EDAR: variants seen among roughly 807,000 people sequenced by gnomAD.
EDAR encodes the protein tumor necrosis factor receptor superfamily member EDAR.
A neutral mutation model predicts 51.3 loss-of-function variants in EDAR; 38 were observed. The ratio of observed to expected loss-of-function variants is 0.74; its 90% CI spans 0.57 to 0.97. EDAR has a LOEUF of 0.97. Among genes scored for constraint, EDAR ranks in the 50% least tolerant of loss-of-function variants. The pLI, the probability that EDAR is intolerant of heterozygous loss-of-function variation, is 0.00. For missense variants in EDAR, 528 were observed against 595.0 expected, an observed-to-expected ratio of 0.89 and a Z score of 1.17; for synonymous variants, 227 against 242.1, an observed-to-expected ratio of 0.94 and a Z score of 0.58.
chr2:108,935,642 C>G (rs939877517), intron 1 of EDAR, among the ~76,000 whole-genome samples: 1 of 151,996 alleles, frequency 6.6e-6, no homozygotes, highest in African/African-American at 2.4e-5. Flanking sequence ...ATTAGCACCC[C>G]TTTTCACACA....
At chr2:108,933,622 C>A (rs532224882) in intron 1 of EDAR, among the ~76,000 whole-genome samples, 3 of 152,218 alleles carry the variant, frequency 2.0e-5, no homozygotes, top group Non-Finnish European at 4.4e-5. Context: ...TTTTCCCACA[C>A]ACTGCCTGCA....
chr2:108,908,565 T>C (rs1447105733), intron 9 of EDAR, among the ~76,000 whole-genome samples: 1 of 151,742 alleles, frequency 6.6e-6, no homozygotes, highest in Non-Finnish European at 1.5e-5. Flanking sequence ...TTGCAGGGGG[T>C]GGCACAGCAA....
intron 1 of EDAR, among the ~76,000 whole-genome samples, chr2:108,984,644 C>T (rs1698468276): frequency 6.6e-6 from 1 of 152,132 alleles, no homozygotes; most frequent in Non-Finnish European, 1.5e-5. Flanking sequence ...GAGGCCCCCA[C>T]TACTACCCTG....
At chr2:108,919,795 G>A (rs548286775) in intron 5 of EDAR, among the ~76,000 whole-genome samples, 2 of 152,290 alleles carry the variant, frequency 1.3e-5, no homozygotes, top group South Asian at 2.1e-4. Context: ...CCCTCTCCCC[G>A]CACTACGAAG....
intron 1 of EDAR, among the ~76,000 whole-genome samples, chr2:108,962,557 C>T (rs1698068656): frequency 6.6e-6 from 1 of 151,594 alleles, no homozygotes; most frequent in South Asian, 2.1e-4. Context: ...CGCCTGTAGT[C>T]CCAGCTACTC....
chr2:108,980,299 C>T (rs1039224716), intron 1 of EDAR, among the ~76,000 whole-genome samples: 1 of 152,038 alleles, frequency 6.6e-6, no homozygotes, highest in Non-Finnish European at 1.5e-5. Context: ...AGTCACATCC[C>T]GAAACCTCTG....
intron 1 of EDAR, among the ~76,000 whole-genome samples, chr2:108,971,617 T>C (rs985398329): frequency 2.6e-5 from 4 of 152,136 alleles, no homozygotes; most frequent in African/African-American, 4.8e-5. Flanking sequence ...AGGAAGGGTA[T>C]TAGAGATAGG....
intron 11 of EDAR, among the ~76,000 whole-genome samples, chr2:108,898,358 G>A (rs1252640665): frequency 6.6e-6 from 1 of 152,124 alleles, no homozygotes; most frequent in Non-Finnish European, 1.5e-5. Context: ...GCAGTAAAAA[G>A]GAATCCCCCT....
At chr2:108,960,854 C>G (rs547490178) in intron 1 of EDAR, among the ~76,000 whole-genome samples, 1 of 152,326 alleles carries the variant, frequency 6.6e-6, no homozygotes, top group Non-Finnish European at 1.5e-5. Context: ...AAATATTCTT[C>G]AGGAACATGG....
chr2:108,963,836 G>A (rs1698099376), intron 1 of EDAR, among the ~76,000 whole-genome samples: 1 of 152,238 alleles, frequency 6.6e-6, no homozygotes, highest in African/African-American at 2.4e-5. Flanking sequence ...AAGGCAGAAA[G>A]AGGAAAGTGT....
At chr2:108,977,873 A>C (rs1198074641) in intron 1 of EDAR, among the ~76,000 whole-genome samples, 1 of 152,170 alleles carries the variant, frequency 6.6e-6, no homozygotes, top group African/African-American at 2.4e-5. Flanking sequence ...CATCAACCAC[A>C]AGACATCATA....
intron 5 of EDAR, among the ~76,000 whole-genome samples, chr2:108,913,586 C>T (rs1001220302): frequency 4.0e-5 from 6 of 151,750 alleles, no homozygotes; most frequent in African/African-American, 1.5e-4. Flanking sequence ...TGTTGTTCAG[C>T]ATCAGTTTGA....
At chr2:108,979,811 C>T (rs1288032980) in intron 1 of EDAR, among the ~76,000 whole-genome samples, 2 of 152,134 alleles carry the variant, frequency 1.3e-5, no homozygotes, top group African/African-American at 4.8e-5. Flanking sequence ...TCACTTTGGC[C>T]ATCTGACATG....
intron 1 of EDAR, among the ~76,000 whole-genome samples, chr2:108,945,832 C>T (rs1461509912): frequency 6.6e-6 from 1 of 152,130 alleles, no homozygotes; most frequent in Non-Finnish European, 1.5e-5. Flanking sequence ...CATGTGATCC[C>T]ACTTGTATGA....
At chr2:108,940,875 C>G (rs1015671898) in intron 1 of EDAR, among the ~76,000 whole-genome samples, 1 of 152,138 alleles carries the variant, frequency 6.6e-6, no homozygotes, top group Admixed American at 6.5e-5. Context: ...AAACTAATCA[C>G]GTTTATTGAG....
At chr2:108,931,162 GA>G in intron 1 of EDAR, 130 bp from the exon 2 acceptor site, 1 of 775,350 alleles carries the variant, frequency 1.3e-6, no homozygotes. Flanking sequence ...CATCCTAAAA[GA>G]AAAGCAGACA....
chr2:108,985,668 GTGTGTTTGCCACCCT>G (rs1419995111), intron 1 of EDAR, among the ~76,000 whole-genome samples: 2 of 152,220 alleles, frequency 1.3e-5, no homozygotes, highest in African/African-American at 4.8e-5. Flanking sequence ...GGTCCAAACA[GTGTGTTTGCCACCCT>G]TGGGCATCCA....
rs78249499 is a variant in EDAR at position 108,897,768 on chromosome 2, A to G, written c.1025-539T>C. On this transcript the variant is annotated intron_variant, in intron 11 of 11. Coordinates refer to ENST00000258443, the MANE Select transcript of EDAR (RefSeq NM_022336.4). ...TTAGACTCACCTAGGAGCATTTAAA[A>G]ACTTGATATTGCTGTTTCTGGAAGA... Among the ~76,000 whole-genome samples the G allele has an allele frequency of 3.9e-3, 600 of 152,302 alleles. 6 individuals are homozygous for G. Among genetic ancestry groups the G allele is most frequent in the South Asian group, 0.017 (84 of 4,826 alleles).
chr2:108,926,207 G>A (rs1697251756), intron 4 of EDAR, among the ~76,000 whole-genome samples: 1 of 152,136 alleles, frequency 6.6e-6, no homozygotes, highest in South Asian at 2.1e-4. Flanking sequence ...TTCATTTAGG[G>A]ATCTCTGGCC....
Sources: allele counts gnomAD v4.1 joint callset (sites outside exome capture counted in the v4.1 genomes callset), GRCh38; gene constraint gnomAD v4.1.1; transcripts MANE v1.5; gene names NCBI Gene and HGNC (gene_info 2026-07-23, HGNC 2026-07-21).